The following MMP16 variants were observed in gnomAD, a reference collection of about 807,000 sequenced individuals.
MMP16 encodes the protein matrix metallopeptidase 16.
A neutral mutation model predicts 67.8 loss-of-function variants in MMP16; 12 were observed. The ratio of observed to expected loss-of-function variants is 0.18; its 90% CI spans 0.11 to 0.29. The LOEUF is 0.29. Ranked by LOEUF, MMP16 falls within the 10% of genes least tolerant of loss-of-function variation. The pLI, the probability that MMP16 is intolerant of heterozygous loss-of-function variation, is 1.00. For synonymous variants in MMP16, 249 were observed against 255.9 expected (o/e 0.97, Z 0.26); for missense variants, 475 against 765.7 (o/e 0.62, Z 4.48).
chr8:88,045,361 CTTTT>C (rs28906068), intron 9 of MMP16, among the ~76,000 whole-genome samples: 1 of 151,374 alleles, frequency 6.6e-6, no homozygotes, highest in East Asian at 1.9e-4. Context: ...TTTTTCTTAT[CTTTT>C]TGTTTGTTTG....
chr8:88,264,055 TAG>T (rs1554589785), intron 1 of MMP16, among the ~76,000 whole-genome samples: 1 of 89,528 alleles, frequency 1.1e-5, no homozygotes, highest in Non-Finnish European at 2.1e-5. Flanking sequence ...TATATATATA[TAG>T]GGAGAGAGAG....
chr8:88,098,891 C>A (rs1809081184), intron 6 of MMP16, among the ~76,000 whole-genome samples: 1 of 151,736 alleles, frequency 6.6e-6, no homozygotes, highest in South Asian at 2.1e-4. Flanking sequence ...ACTATATGAT[C>A]ACTATTTTGT....
intron 6 of MMP16, among the ~76,000 whole-genome samples, chr8:88,091,588 TAA>T (rs1476407798): frequency 6.6e-6 from 1 of 151,698 alleles, no homozygotes; most frequent in African/African-American, 2.4e-5. Context: ...CACACAGGTT[TAA>T]GATATTCTCT....
At chr8:88,289,115 C>A (rs908504818) in intron 1 of MMP16, among the ~76,000 whole-genome samples, 1 of 150,476 alleles carries the variant, frequency 6.6e-6, no homozygotes, top group Non-Finnish European at 1.5e-5. Context: ...CAGAAAGAGA[C>A]AGAGACAGAG....
At chr8:88,088,350 G>A (rs1188119633) in intron 6 of MMP16, among the ~76,000 whole-genome samples, 1 of 151,810 alleles carries the variant, frequency 6.6e-6, no homozygotes, top group African/African-American at 2.4e-5. Flanking sequence ...AGGGAAGCAG[G>A]CAGGGGGGTT....
intron 9 of MMP16, among the ~76,000 whole-genome samples, chr8:88,044,504 AT>A (rs1367374424): frequency 2.0e-5 from 3 of 152,104 alleles, no homozygotes; most frequent in African/African-American, 7.2e-5. Context: ...AGGTATTTGT[AT>A]TTTTTTCCTT....
At chr8:88,116,339 C>T (rs555668543) in intron 6 of MMP16, among the ~76,000 whole-genome samples, 168 bp downstream of exon 6, 1 of 152,162 alleles carries the variant, frequency 6.6e-6, no homozygotes, top group Non-Finnish European at 1.5e-5. Flanking sequence ...CAATCTTCTG[C>T]TAGACATTTA....
intron 8 of MMP16, among the ~76,000 whole-genome samples, chr8:88,047,228 A>C (rs1012017595): frequency 6.6e-6 from 1 of 152,110 alleles, no homozygotes; most frequent in Non-Finnish European, 1.5e-5. Context: ...CAGAATCTTG[A>C]TTTATTTATT....
chr8:88,184,775 A>AAAAAAAAAG (rs1809046183), intron 3 of MMP16, among the ~76,000 whole-genome samples: 1 of 132,828 alleles, frequency 7.5e-6, no homozygotes, highest in African/African-American at 2.8e-5. Flanking sequence ...AAAAAAAAAA[A>AAAAAAAAAG]AAAGAAAAGA....
chr8:88,124,836 G>A (rs922401457), intron 4 of MMP16, among the ~76,000 whole-genome samples: 1 of 151,922 alleles, frequency 6.6e-6, no homozygotes, highest in Non-Finnish European at 1.5e-5. Context: ...AGGTTCTGGC[G>A]AGGGCTCTCT....
At chr8:88,100,869 T>C (rs1809129830) in intron 6 of MMP16, among the ~76,000 whole-genome samples, 1 of 151,558 alleles carries the variant, frequency 6.6e-6, no homozygotes, top group Non-Finnish European at 1.5e-5. Flanking sequence ...CAGCAAACTA[T>C]TGCAAGAACA....
At chr8:88,258,851 T>G (rs1206035146) in intron 1 of MMP16, among the ~76,000 whole-genome samples, 1 of 152,168 alleles carries the variant, frequency 6.6e-6, no homozygotes, top group Non-Finnish European at 1.5e-5. Flanking sequence ...TCACTGAAAT[T>G]AAGTCAAAAT....
At chr8:88,211,777 G>A (rs1280702142) in intron 1 of MMP16, among the ~76,000 whole-genome samples, 1 of 152,118 alleles carries the variant, frequency 6.6e-6, no homozygotes, top group Non-Finnish European at 1.5e-5. Flanking sequence ...AGTATGGAAA[G>A]ATTAAGTATC....
At chr8:88,070,311 G>T (rs1808530650) in intron 7 of MMP16, among the ~76,000 whole-genome samples, 1 of 152,030 alleles carries the variant, frequency 6.6e-6, no homozygotes, top group Non-Finnish European at 1.5e-5. Context: ...TTGAAGATTT[G>T]TTAAGTGGAA....
At chr8:88,118,496 T>C (rs185020654) in intron 5 of MMP16, among the ~76,000 whole-genome samples, 2 of 152,220 alleles carry the variant, frequency 1.3e-5, no homozygotes, top group Admixed American at 6.6e-5. Context: ...GTGCTTAACA[T>C]GTTCCCATAA....
chr8:88,078,776 A>C (rs1808695372), intron 6 of MMP16, among the ~76,000 whole-genome samples: 1 of 152,216 alleles, frequency 6.6e-6, no homozygotes, highest in Admixed American at 6.5e-5. Flanking sequence ...ATTTATTCAT[A>C]CCAACAACTT....
At chr8:88,323,556 C>T (rs1157775370) in intron 1 of MMP16, among the ~76,000 whole-genome samples, 1 of 151,952 alleles carries the variant, frequency 6.6e-6, no homozygotes, top group Admixed American at 6.6e-5. Flanking sequence ...TCATTTTATG[C>T]TTTGATATAT....
intron 1 of MMP16, among the ~76,000 whole-genome samples, chr8:88,200,323 A>G (rs1176806540): frequency 6.6e-6 from 1 of 152,048 alleles, no homozygotes; most frequent in Non-Finnish European, 1.5e-5. Context: ...TTTTGAGAAC[A>G]CTGAAAAAAT....
chr8:88,237,657 G>GAAC (rs202098880), intron 1 of MMP16, among the ~76,000 whole-genome samples: 194 of 88,410 alleles, frequency 2.2e-3, no homozygotes, highest in African/African-American at 5.5e-3. Context: ...TCAAAAAACA[G>GAAC]AACAACAACA....
Sources: allele counts gnomAD v4.1 joint callset (sites outside exome capture counted in the v4.1 genomes callset), GRCh38; gene constraint gnomAD v4.1.1; transcripts MANE v1.5; gene names NCBI Gene and HGNC (gene_info 2026-07-23, HGNC 2026-07-21).